The following LRRFIP2 variants were observed in gnomAD, a reference collection of about 807,000 sequenced individuals.
The protein encoded by LRRFIP2 is leucine-rich repeat flightless-interacting protein 2.
A neutral mutation model predicts 125.9 loss-of-function variants in LRRFIP2; 109 were observed. The observed-to-expected ratio is 0.87, with a 90% CI of 0.74 to 1.01. The LOEUF (loss-of-function observed/expected upper bound fraction) is 1.01, where lower values mean the gene tolerates loss of function less well. Ranked by LOEUF, LRRFIP2 falls within the 50% of genes least tolerant of loss-of-function variation. The pLI is 0.00. For missense variants in LRRFIP2, 850 were observed against 862.3 expected (o/e 0.99, Z 0.18); for synonymous variants, 291 against 293.1 (o/e 0.99, Z 0.07).
At position 37,053,671 on chromosome 3, in the gene LRRFIP2, A is replaced by G. The variant is rs2086010726; in HGVS notation, c.*180T>C. The G allele has an allele frequency of 1.7e-6, 1 of 581,078 alleles. No individual in the cohort carries two copies. Among genetic ancestry groups the G allele is most frequent in the Non-Finnish European group, 3.1e-6 (1 of 323,144 alleles). The allele number at this position is 581,078 out of a possible 1,614,324, so 36.0% of individuals were successfully genotyped here. On this transcript the variant is annotated 3_prime_UTR_variant, in exon 28 of 28. Coordinates refer to ENST00000336686, the MANE Select transcript of LRRFIP2 (RefSeq NM_006309.4). ...TAGAATCAAACTACAACAAAATCCA[A>G]AGTGTTCATTCATGTAGATTCAAAA... is the stretch of plus-strand genomic sequence containing the variant.
At chr3:37,135,161 T>G in intron 2 of LRRFIP2, 1 of 1,095,240 alleles carries the variant, frequency 9.1e-7, no homozygotes, top group African/African-American at 1.6e-5. Flanking sequence ...TTTAAATTAC[T>G]GTTTAAAAAA....
At chr3:37,111,145 C>CA (rs1285049590) in intron 8 of LRRFIP2, 80 bp from the exon 9 acceptor site, 1 of 1,049,102 alleles carries the variant, frequency 9.5e-7, no homozygotes, top group African/African-American at 1.6e-5. Flanking sequence ...AAACTGAACA[C>CA]AAAAAGGCAA....
upstream of LRRFIP2, chr3:37,174,972 G>A (rs746601203): frequency 3.3e-5 from 5 of 152,158 alleles, no homozygotes; most frequent in Non-Finnish European, 5.9e-5. Context: ...AGAGCATGAC[G>A]TTGGTTAAAC....
chr3:37,134,181 CAAAAAAA>C (rs35540438), intron 2 of LRRFIP2, among the ~76,000 whole-genome samples: 1 of 110,666 alleles, frequency 9.0e-6, no homozygotes, highest in Admixed American at 9.1e-5. Flanking sequence ...GACTCTGTCT[CAAAAAAA>C]AAAAAAAAAA....
intron 24 of LRRFIP2, 73 bp from the exon 25 acceptor site, chr3:37,058,983 A>G (rs995745443): frequency 1.3e-6 from 2 of 1,586,714 alleles, no homozygotes; most frequent in African/African-American, 2.7e-5. Flanking sequence ...CTATGGTCAC[A>G]TCATAGAACA....
intron 15 of LRRFIP2, among the ~76,000 whole-genome samples, chr3:37,100,379 TATAC>T (rs886966311): frequency 7.5e-4 from 112 of 149,540 alleles, no homozygotes; most frequent in African/African-American, 1.5e-3. Context: ...TACATACATG[TATAC>T]ATACATACAT....
chr3:37,162,873 C>A (rs1350707990), intron 1 of LRRFIP2, among the ~76,000 whole-genome samples: 1 of 152,138 alleles, frequency 6.6e-6, no homozygotes, highest in Admixed American at 6.5e-5. Flanking sequence ...TTTGTCTTGA[C>A]CCCGTGTTGA....
rs1414093084 is a variant in LRRFIP2 at position 37,119,405 on chromosome 3, AG to A, written c.330+2086del. ...TTTTTTGTTTGCAGATTTGTTTTAA[AG>A]GCCCCCAAATGTTCAAATTTTGCTG... On this transcript the variant is annotated intron_variant, in intron 6 of 27. Transcript: ENST00000336686. 3.9e-5 allele frequency among the ~76,000 whole-genome samples: 6 copies of A among 152,170 alleles called. No individual in the cohort carries two copies. In the South Asian group the frequency reaches 1.2e-3, roughly 31 times the overall value.
At chr3:37,066,178 G>A (rs771047144) in intron 22 of LRRFIP2, 46 bp downstream of exon 22, 1 of 1,494,408 alleles carries the variant, frequency 6.7e-7, no homozygotes. Context: ...GGAAGATAGA[G>A]AGTAAAACAG....
chr3:37,069,883 C>T (rs1362429595), intron 21 of LRRFIP2, among the ~76,000 whole-genome samples: 1 of 151,854 alleles, frequency 6.6e-6, no homozygotes, highest in Non-Finnish European at 1.5e-5. Flanking sequence ...CAAAACTACA[C>T]AAATGAAGAA....
rs545600432 is a variant in LRRFIP2, at chr3:37,161,070, A to G, written c.-55-12032T>C. ...TAAAAACAAATATATTGGGCCTGACATGATGGCTCACGCCTGTAATCCCAG... is the reference window on the plus strand; with the variant it reads ...TAAAAACAAATATATTGGGCCTGACGTGATGGCTCACGCCTGTAATCCCAG... On this transcript the variant is annotated intron_variant, in intron 1 of 27. Transcript: ENST00000336686. 2.0e-5 allele frequency among the ~76,000 whole-genome samples: 3 copies of G among 151,226 alleles called. No individual in the cohort carries two copies. The South Asian group carries it at 6.3e-4, about 32-fold the overall frequency.
At chr3:37,102,009 T>C (rs1258282584) in intron 15 of LRRFIP2, among the ~76,000 whole-genome samples, 1 of 152,244 alleles carries the variant, frequency 6.6e-6, no homozygotes, top group African/African-American at 2.4e-5. Context: ...ATTCAGATTG[T>C]TCCTGGTTAG....
In LRRFIP2 at chr3:37,080,419, A is replaced by T. The variant is rs914973849; in HGVS notation, c.1278+3217T>A. Among the ~76,000 whole-genome samples the T allele has an allele frequency of 2.3e-4, 35 of 152,034 alleles. No individual in the cohort carries two copies. In the East Asian group the frequency reaches 3.3e-3, roughly 14 times the overall value. On this transcript the variant is annotated intron_variant, in intron 19 of 27. Transcript: ENST00000336686. ...TAAAAAAATAAAATAAATAAAATTT[A>T]AAAAAATAAATAAAATAACATAAAA...
At chr3:37,128,412 C>G (rs1262435529) in intron 3 of LRRFIP2, among the ~76,000 whole-genome samples, 1 of 152,036 alleles carries the variant, frequency 6.6e-6, no homozygotes, top group Non-Finnish European at 1.5e-5. Context: ...TTCCATATGC[C>G]TATTCTTAAA....
chr3:37,158,979 C>A (rs2096268489), intron 1 of LRRFIP2, among the ~76,000 whole-genome samples: 1 of 152,148 alleles, frequency 6.6e-6, no homozygotes, highest in African/African-American at 2.4e-5. Flanking sequence ...TACTCTGAAG[C>A]ACAAAAGTTT....
chr3:37,101,123 TGAG>T (rs1483366526), intron 15 of LRRFIP2, among the ~76,000 whole-genome samples: 1 of 152,032 alleles, frequency 6.6e-6, no homozygotes, highest in East Asian at 1.9e-4. Context: ...TTTGGGAGGC[TGAG>T]GTGGGTGGAC....
At chr3:37,151,156 C>G (rs942342217) in intron 1 of LRRFIP2, among the ~76,000 whole-genome samples, 1 of 152,158 alleles carries the variant, frequency 6.6e-6, no homozygotes, top group African/African-American at 2.4e-5. Context: ...ATCAGGAGTT[C>G]AAGACCAGTC....
chr3:37,138,585 C>T (rs1388744993), intron 2 of LRRFIP2, among the ~76,000 whole-genome samples: 3 of 152,182 alleles, frequency 2.0e-5, no homozygotes, highest in Non-Finnish European at 2.9e-5. Context: ...CCAAGTCCCC[C>T]CGGAGATGCC....
At chr3:37,143,995 C>T (rs1468743342) in intron 2 of LRRFIP2, 1 of 152,528 alleles carries the variant, frequency 6.6e-6, no homozygotes, top group African/African-American at 2.4e-5. Context: ...GGCTGACGTC[C>T]CAGACCCTTC....
Sources: allele counts gnomAD v4.1 joint callset (sites outside exome capture counted in the v4.1 genomes callset), GRCh38; gene constraint gnomAD v4.1.1; transcripts MANE v1.5; gene names NCBI Gene and HGNC (gene_info 2026-07-23, HGNC 2026-07-21).